GMDS: variants seen among roughly 807,000 people sequenced by gnomAD.
GMDS encodes the protein GDP-mannose 4,6 dehydratase.
In GMDS, 20 loss-of-function variants were observed where a neutral mutation model predicts 49.9. The ratio of observed to expected loss-of-function variants is 0.40; its 90% CI spans 0.28 to 0.58. The LOEUF is 0.58. Ranked by LOEUF, GMDS falls within the 20% of genes least tolerant of loss-of-function variation. GMDS has a pLI of 0.42. For synonymous variants in GMDS, 177 were observed against 178.6 expected (o/e 0.99, Z 0.07); for missense variants, 362 against 481.4 (o/e 0.75, Z 2.32).
At chr6:1,976,262 C>T (rs1467506231) in intron 4 of GMDS, among the ~76,000 whole-genome samples, 5 of 152,168 alleles carry the variant, frequency 3.3e-5, no homozygotes, top group Non-Finnish European at 5.9e-5. Flanking sequence ...ATTTGAAGAA[C>T]AATGTGCTTA....
intron 6 of GMDS, among the ~76,000 whole-genome samples, chr6:1,937,158 T>C (rs1011792443): frequency 1.3e-5 from 2 of 152,132 alleles, no homozygotes; most frequent in African/African-American, 2.4e-5. Context: ...CAGGAAGATA[T>C]ACCATCCAGG....
At chr6:2,067,112 A>T (rs1195151444) in intron 4 of GMDS, among the ~76,000 whole-genome samples, 6 of 151,290 alleles carry the variant, frequency 4.0e-5, no homozygotes. Context: ...TAAGAATCTC[A>T]CTCAAAACCG....
chr6:1,789,532 CTTTTTTTTTTT>C (rs59996305), intron 7 of GMDS, among the ~76,000 whole-genome samples: 4 of 141,352 alleles, frequency 2.8e-5, no homozygotes, highest in Admixed American at 7.0e-5. Flanking sequence ...TTTCTTTTTT[CTTTTTTTTTTT>C]TTTTTTTTTC....
chr6:1,878,314 CAAAAAAAAA>C (rs11463549), intron 7 of GMDS, among the ~76,000 whole-genome samples: 1 of 72,530 alleles, frequency 1.4e-5, no homozygotes, highest in African/African-American at 5.6e-5. Flanking sequence ...GAATCCATCT[CAAAAAAAAA>C]AAAAAAAAAA....
chr6:2,179,708 A>G (rs1351584545), intron 1 of GMDS, among the ~76,000 whole-genome samples: 1 of 152,244 alleles, frequency 6.6e-6, no homozygotes, highest in Admixed American at 6.5e-5. Flanking sequence ...TAGCACAAAC[A>G]GATTAAGATA....
At chr6:1,633,657 G>T (rs1197113724) in intron 9 of GMDS, among the ~76,000 whole-genome samples, 1 of 152,180 alleles carries the variant, frequency 6.6e-6, no homozygotes, top group Non-Finnish European at 1.5e-5. Flanking sequence ...GGGTGTGAGG[G>T]TCTCTTGGGG....
chr6:1,637,042 C>T (rs1441653667), intron 9 of GMDS, among the ~76,000 whole-genome samples: 1 of 152,254 alleles, frequency 6.6e-6, no homozygotes, highest in Non-Finnish European at 1.5e-5. Context: ...GGACCCCGCA[C>T]TGTGCCTCCT....
chr6:1,995,093 C>T (rs1766195834), intron 4 of GMDS, among the ~76,000 whole-genome samples: 1 of 152,188 alleles, frequency 6.6e-6, no homozygotes. Context: ...AACCTGCAAG[C>T]CGTAAGCAGC....
intron 9 of GMDS, among the ~76,000 whole-genome samples, chr6:1,649,846 ACAGTTT>A (rs1259193496): frequency 1.3e-5 from 2 of 152,178 alleles, no homozygotes; most frequent in African/African-American, 4.8e-5. Flanking sequence ...CTGCAGGAAA[ACAGTTT>A]TAGGTGACTT....
chr6:2,150,184 G>T, intron 1 of GMDS, among the ~76,000 whole-genome samples: 1 of 152,142 alleles, frequency 6.6e-6, no homozygotes, highest in Non-Finnish European at 1.5e-5. Flanking sequence ...GGTATATACA[G>T]ATTAACGGTA....
intron 1 of GMDS, among the ~76,000 whole-genome samples, chr6:2,187,162 G>C (rs999847507): frequency 6.6e-6 from 1 of 152,134 alleles, no homozygotes; most frequent in African/African-American, 2.4e-5. Flanking sequence ...GGTCCTTTCT[G>C]CACTGAGGCA....
chr6:1,704,663 T>A (rs1446847528), intron 9 of GMDS, among the ~76,000 whole-genome samples: 1 of 152,186 alleles, frequency 6.6e-6, no homozygotes, highest in Non-Finnish European at 1.5e-5. Context: ...CAGTGTCCAG[T>A]GTGTAATACG....
intron 7 of GMDS, among the ~76,000 whole-genome samples, chr6:1,824,230 T>G (rs528938025): frequency 6.6e-6 from 1 of 152,266 alleles, no homozygotes; most frequent in African/African-American, 2.4e-5. Flanking sequence ...GGGTGGCCAG[T>G]GTTGCACCAT....
At chr6:2,011,786 G>T (rs554109075) in intron 4 of GMDS, among the ~76,000 whole-genome samples, 251 of 152,318 alleles carry the variant, frequency 1.6e-3, no homozygotes, top group Admixed American at 2.6e-3. Context: ...GCTAAGCGTG[G>T]TCGCGCATTA....
chr6:1,961,115 A>G, intron 4 of GMDS, 149 bp from the exon 5 acceptor site: 1 of 488,820 alleles, frequency 2.0e-6, no homozygotes, highest in Non-Finnish European at 3.7e-6. Flanking sequence ...CGTGGATGTC[A>G]TCTACATACA....
intron 7 of GMDS, among the ~76,000 whole-genome samples, chr6:1,775,004 TC>T (rs1768738424): frequency 6.6e-6 from 1 of 152,212 alleles, no homozygotes; most frequent in African/African-American, 2.4e-5. Flanking sequence ...TTTGGCTGAT[TC>T]CGAAAGACAA....
chr6:1,736,711 T>C (rs371816816), intron 8 of GMDS, among the ~76,000 whole-genome samples: 24 of 152,158 alleles, frequency 1.6e-4, no homozygotes, highest in African/African-American at 5.6e-4. Context: ...ACACACCACA[T>C]TGAAAGGTTA....
At chr6:1,914,231 G>C (rs1444491914) in intron 7 of GMDS, among the ~76,000 whole-genome samples, 1 of 149,830 alleles carries the variant, frequency 6.7e-6, no homozygotes, top group Non-Finnish European at 1.5e-5. Context: ...CTGAGGCCGG[G>C]GTATCATGAG....
chr6:2,079,577 T>C (rs962622555), intron 4 of GMDS, among the ~76,000 whole-genome samples: 1 of 152,174 alleles, frequency 6.6e-6, no homozygotes, highest in Non-Finnish European at 1.5e-5. Flanking sequence ...ATATTTTTGC[T>C]AGATATAGTA....
Sources: allele counts gnomAD v4.1 joint callset (sites outside exome capture counted in the v4.1 genomes callset), GRCh38; gene constraint gnomAD v4.1.1; transcripts MANE v1.5; gene names NCBI Gene and HGNC (gene_info 2026-07-23, HGNC 2026-07-21).